The following TSR3 variants were observed in gnomAD, a reference collection of about 807,000 sequenced individuals.
The protein encoded by TSR3 is TSR3 ribosome maturation factor.
In TSR3, 31 loss-of-function variants were observed where a neutral mutation model predicts 28.1. The ratio of observed to expected loss-of-function variants is 1.10; its 90% confidence interval spans 0.83 to 1.49. TSR3 has a LOEUF of 1.49. TSR3 is among the 40% of genes most tolerant of loss of function. The pLI is 0.00. For synonymous variants in TSR3, 219 were observed against 197.2 expected, an observed-to-expected ratio of 1.11 and a Z score of -0.93; for missense variants, 511 against 444.0, an observed-to-expected ratio of 1.15 and a Z score of -1.36.
chr16:1,351,854 C>T lies in TSR3; in HGVS notation c.-50G>A. 1 of 1,275,230 alleles carries T rather than the reference C, an allele frequency of 7.8e-7. No individual in the cohort carries two copies. Among genetic ancestry groups the T allele is most frequent in the Non-Finnish European group, 9.8e-7 (1 of 1,015,316 alleles). 79.0% of individuals were successfully genotyped at this position (1,275,230 alleles called of 1,614,324 possible). On this transcript the variant is annotated 5_prime_UTR_variant, in exon 1 of 6. Transcript: ENST00000007390. ...CTCCCCACCCCACGGCCGCGCCCCT[C>T]GGCCTCCCAATGGGCTGTGCGGCTG...
chr16:1,349,715 C>A, intron 5 of TSR3, 107 bp from the exon 6 acceptor site: 2 of 1,416,598 alleles, frequency 1.4e-6, no homozygotes, highest in Non-Finnish European at 1.9e-6. Flanking sequence ...CTCTTCCTCC[C>A]TGTGCTCTCC....
intron 2 of TSR3, 135 bp downstream of exon 2, chr16:1,351,244 G>A (rs2034669076): frequency 6.4e-6 from 7 of 1,089,118 alleles, no homozygotes; most frequent in South Asian, 4.9e-5. Context: ...CTACGCAACG[G>A]AGGCAAACTA....
intron 3 of TSR3, 136 bp from the exon 4 acceptor site, chr16:1,350,370 G>T: frequency 1.0e-6 from 1 of 979,740 alleles, no homozygotes. Flanking sequence ...ACAGTCCTGA[G>T]AACCCGTGCT....
chr16:1,350,631 T>C (rs1027805796), intron 3 of TSR3, among the ~76,000 whole-genome samples, 176 bp downstream of exon 3: 1 of 152,164 alleles, frequency 6.6e-6, no homozygotes, highest in African/African-American at 2.4e-5. Context: ...CTACTGCAAC[T>C]CCACAGGCCG....
chr16:1,350,448 T>C (rs983729980), intron 3 of TSR3, among the ~76,000 whole-genome samples: 1 of 152,130 alleles, frequency 6.6e-6, no homozygotes, highest in African/African-American at 2.4e-5. Context: ...CCTCCTTTGC[T>C]GCGAAACAAA....
chr16:1,350,114 TGCA>T lies in TSR3; in HGVS notation c.644_646del (p.Leu215del). The T allele has an allele frequency of 6.2e-7, 1 of 1,611,364 alleles. No individual in the cohort carries two copies. Among genetic ancestry groups the T allele is most frequent in the Non-Finnish European group, 8.5e-7 (1 of 1,178,804 alleles). ...ATTGGCCAAGAACTCCTGCTCCGCC[TGCA>T]GCACCTCCTCCGGGCTGCCGCAGGC... On this transcript the variant is annotated inframe_deletion, in exon 4 of 6. Transcript: ENST00000007390.
At chr16:1,350,003 G>A (rs2034626014) in intron 4 of TSR3, 51 bp from the exon 5 acceptor site, 1 of 1,611,656 alleles carries the variant, frequency 6.2e-7, no homozygotes, top group Admixed American at 1.7e-5. Flanking sequence ...GCAGGACCAG[G>A]CCTCCCACCC....
chr16:1,351,854 C>G lies in TSR3; in HGVS notation c.-50G>C, dbSNP rs954881938. 1.1e-3 allele frequency: 1,404 copies of G among 1,275,230 alleles called. 2 individuals are homozygous for G. The highest frequency in any genetic ancestry group is 1.3e-3 in the Non-Finnish European group (1,283 of 1,015,316). 79.0% of individuals were successfully genotyped at this position (1,275,230 alleles called of 1,614,324 possible). A position where few individuals can be genotyped will look rare whatever the true frequency, so the allele number is the denominator to read the frequency against. On this transcript the variant is annotated 5_prime_UTR_variant, in exon 1 of 6. Transcript: ENST00000007390. ...CTCCCCACCCCACGGCCGCGCCCCT[C>G]GGCCTCCCAATGGGCTGTGCGGCTG...
chr16:1,349,334 T>C lies in TSR3; in HGVS notation c.*103A>G. ...GGGGAGAACCCGGACAGCTCAGTCC[T>C]GCCAGCAGCCGCAAAGAGCCGAGGC... On this transcript the variant is annotated 3_prime_UTR_variant, in exon 6 of 6. Transcript: ENST00000007390. 4.5e-6 allele frequency: 6 copies of C among 1,344,824 alleles called. No individual in the cohort carries two copies. The highest frequency in any genetic ancestry group is 6.4e-6 in the Non-Finnish European group (6 of 936,866). The allele number at this position is 1,344,824 out of a possible 1,614,324, so 83.3% of individuals were successfully genotyped here.
chr16:1,350,207 A>G lies in TSR3; in HGVS notation c.554T>C (p.Leu185Pro), dbSNP rs1353596973. The G allele has an allele frequency of 1.2e-6, 2 of 1,601,734 alleles. No individual in the cohort carries two copies. The highest frequency in any genetic ancestry group is 1.7e-6 in the Non-Finnish European group (2 of 1,178,168). ...GCCCTTGCCCCATTTAAACTTCCGCAGCAAAATGACAGCAAGGTCTGGAAA... is the reference window on the plus strand; with the variant it reads ...GCCCTTGCCCCATTTAAACTTCCGCGGCAAAATGACAGCAAGGTCTGGAAA... ...VGFPDLAVILLRKFKWGKGFL... is the reference protein window; with the variant it reads ...VGFPDLAVILPRKFKWGKGFL... The change falls in exon 4 of 6, where the codon CTG becomes CCG. Residue 185 changes from leucine to proline, a missense_variant. Coordinates refer to ENST00000007390, the MANE Select transcript of TSR3 (RefSeq NM_001001410.3).
Position 1,351,587 on chromosome 16 carries a change from G to A in TSR3, c.124C>T (p.Pro42Ser). 6.8e-7 allele frequency: 1 copy of A among 1,475,530 alleles called. No homozygotes were observed. The highest frequency in any genetic ancestry group is 1.3e-5 in the South Asian group (1 of 77,478). 91.4% of individuals were successfully genotyped at this position (1,475,530 alleles called of 1,614,324 possible). A position where few individuals can be genotyped will look rare whatever the true frequency, so the allele number is the denominator to read the frequency against. The change falls in exon 2 of 6, where the codon CCA becomes TCA. Residue 42 changes from proline (P) to serine (S), a missense_variant. By Grantham distance (74) the Pro-to-Ser change is moderately conservative. Transcript: ENST00000007390. Reference protein sequence around the residue: ...VGAALQASVEPGAADGEGGPG... With the variant: ...VGAALQASVESGAADGEGGPG... The stretch of plus-strand genomic sequence containing the variant: ...CCGCCCTCGCCGTCAGCCGCCCCTG[G>A]CTCCACGGAAGCTGCACGAGAGAGA...
At chr16:1,350,299 CCT>C (rs1185800463) in intron 3 of TSR3, 65 bp from the exon 4 acceptor site, 2 of 1,501,472 alleles carry the variant, frequency 1.3e-6, no homozygotes, top group East Asian at 4.6e-5. Context: ...TCCTGATCAC[CCT>C]GCTGCCGGAT....
chr16:1,351,482 T>G lies in TSR3; in HGVS notation c.229A>C (p.Lys77Gln), dbSNP rs1457498222. ...CGCACCAGCCCCAGGCGGGCCAGCT[T>G]GCGGCCCGTGCAGCGCCGGGGGTCG... ...HCDPRRCTGR[K>Q]LARLGLVRCL... Residue 77 changes from lysine to glutamine, a missense_variant, in exon 2 of 6, where the codon AAG (lysine) becomes CAG (glutamine). Lys to Gln is a moderately conservative substitution (Grantham distance 53, BLOSUM62 1). Coordinates refer to ENST00000007390, the MANE Select transcript of TSR3 (RefSeq NM_001001410.3). 6.3e-7 allele frequency: 1 copy of G among 1,576,052 alleles called. No homozygotes were observed. The highest frequency in any genetic ancestry group is 1.8e-5 in the Admixed American group (1 of 56,962).
chr16:1,349,264 G>C lies in TSR3; in HGVS notation c.*173C>G, dbSNP rs572984800. Reference sequence around the variant, plus strand: ...CTTCTTGGCCTGCAGCTTCATTTGCGAGAGCGCCGAGGCAGGACACAGAGC... The same window carrying C: ...CTTCTTGGCCTGCAGCTTCATTTGCCAGAGCGCCGAGGCAGGACACAGAGC... On this transcript the variant is annotated 3_prime_UTR_variant, in exon 6 of 6. Coordinates refer to ENST00000007390, the MANE Select transcript of TSR3 (RefSeq NM_001001410.3). The C allele has an allele frequency of 9.5e-6, 7 of 736,880 alleles. No individual in the cohort carries two copies. The highest frequency in any genetic ancestry group is 5.3e-5 in the African/African-American group (3 of 56,938). 45.6% of individuals were successfully genotyped at this position (736,880 alleles called of 1,614,324 possible). A position where few individuals can be genotyped will look rare whatever the true frequency, so the allele number is the denominator to read the frequency against.
Position 1,350,867 on chromosome 16 carries a change from A to G in TSR3, c.466T>C (p.Tyr156His), listed in dbSNP as rs142652674. The change falls in exon 3 of 6, where the codon TAT (tyrosine) becomes CAT (histidine). Residue 156 changes from tyrosine to histidine, a missense_variant. Physicochemically the swap from Tyr to His is moderately conservative, Grantham distance 83. Coordinates refer to ENST00000007390, the MANE Select transcript of TSR3 (RefSeq NM_001001410.3). ...CAGGAAAGTCTGTAGGGCCGGCCAT[A>G]GTTCACGGGGTTGGCGGCCACCAGG... ...PYLVAANPVNYGRPYRLSCVE... is the reference protein window; with the variant it reads ...PYLVAANPVNHGRPYRLSCVE... The G allele has an allele frequency of 3.7e-4, 601 of 1,613,056 alleles. No individual in the cohort carries two copies. Among genetic ancestry groups the G allele is most frequent in the Non-Finnish European group, 4.8e-4 (561 of 1,179,974 alleles).
In TSR3 at chr16:1,351,419, G is replaced by A. The variant is rs754380919; in HGVS notation, c.292C>T (p.Leu98=). The change falls in exon 2 of 6, where the codon CTG becomes TTG. Residue 98 remains leucine (L), a synonymous_variant. Coordinates refer to ENST00000007390, the MANE Select transcript of TSR3 (RefSeq NM_001001410.3). ...GCGTACTGCTTGCCCACGGGGCTCA[G>A]CACCAGACCGCCGAATCTGTGGCCC... ...RLGHRFGGLV[L]SPVGKQYASP... is the part of the protein sequence containing the mutation. 2 of 1,595,858 alleles carry A rather than the reference G, an allele frequency of 1.3e-6. No homozygotes were observed. The highest frequency in any genetic ancestry group is 1.7e-5 in the Admixed American group (1 of 59,790).
At chr16:1,351,024 G>A (rs2034661842) in intron 2 of TSR3, 24 bp from the exon 3 acceptor site, 1 of 1,607,358 alleles carries the variant, frequency 6.2e-7, no homozygotes, top group South Asian at 1.1e-5. Context: ...CATGGGATAA[G>A]TTCAGGAGCC....
intron 5 of TSR3, 101 bp from the exon 6 acceptor site, chr16:1,349,709 TCCTC>T: frequency 1.4e-6 from 2 of 1,439,270 alleles, no homozygotes; most frequent in East Asian, 2.4e-5. Flanking sequence ...AGATTCCTCT[TCCTC>T]CCTGTGCTCT....
In TSR3 at chr16:1,350,994, C is replaced by T; in HGVS notation, c.339G>A (p.Leu113=). The change falls in exon 3 of 6, where the codon CTG becomes CTA. Residue 113 remains leucine, a synonymous_variant. Transcript: ENST00000007390. ...KQYASPADRQ[L]VAQSGVAVID... The stretch of plus-strand genomic sequence containing the variant: ...TGACGGCGACCCCAGACTGCGCCAC[C>T]AGCTGTCTGCCAGGGACAGCATGGG... 1 of 1,611,548 alleles carries T rather than the reference C, an allele frequency of 6.2e-7. No individual in the cohort carries two copies. The highest frequency in any genetic ancestry group is 1.1e-5 in the South Asian group (1 of 91,016).
Sources: allele counts gnomAD v4.1 joint callset (sites outside exome capture counted in the v4.1 genomes callset), GRCh38; gene constraint gnomAD v4.1.1; transcripts MANE v1.5; gene names NCBI Gene and HGNC (gene_info 2026-07-23, HGNC 2026-07-21).